GON4L: variants seen among roughly 807,000 people sequenced by gnomAD.
GON4L encodes the protein GON-4-like protein.
A neutral mutation model predicts 211.8 loss-of-function variants in GON4L; 87 were observed. That is an observed-to-expected ratio of 0.41 (90% confidence interval 0.35 to 0.49). GON4L has a LOEUF of 0.49. GON4L is among the 20% of genes least tolerant of loss of function. The probability of loss-of-function intolerance (pLI) is 0.15; values close to 1 mark genes in which losing one functional copy is unlikely to be tolerated. For synonymous variants in GON4L, 875 were observed against 962.6 expected (o/e 0.91, Z 1.68); for missense variants, 2,155 against 2,659.5 (o/e 0.81, Z 4.17).
intron 16 of GON4L, among the ~76,000 whole-genome samples, chr1:155,775,780 T>A (rs1663752429): frequency 6.6e-6 from 1 of 152,116 alleles, no homozygotes; most frequent in East Asian, 1.9e-4. Flanking sequence ...CTATTACTTT[T>A]ATTTTATTTA....
At chr1:155,832,279 C>CAAAAAAAAAAAAACA (rs1669855206) in intron 2 of GON4L, among the ~76,000 whole-genome samples, 1 of 57,356 alleles carries the variant, frequency 1.7e-5, no homozygotes, top group Non-Finnish European at 3.1e-5. Flanking sequence ...GACTCCGTCT[C>CAAAAAAAAAAAAACA]AAAAAAAAAA....
chr1:155,851,050 C>CT (rs1411863463), intron 2 of GON4L, among the ~76,000 whole-genome samples: 3 of 36,192 alleles, frequency 8.3e-5, no homozygotes, highest in Non-Finnish European at 1.1e-4. Flanking sequence ...GAGACTCCAC[C>CT]TCAAAAAAAA....
At chr1:155,836,273 G>T (rs1200893742) in intron 2 of GON4L, among the ~76,000 whole-genome samples, 1 of 130,952 alleles carries the variant, frequency 7.6e-6, no homozygotes, top group Non-Finnish European at 1.6e-5. Flanking sequence ...TTTTTGAGAC[G>T]ACATCTTGCT....
chr1:155,763,297 G>C lies in GON4L; in HGVS notation c.4726+15C>G, dbSNP rs1484047746. 6.2e-6 allele frequency: 10 copies of C among 1,613,072 alleles called. No homozygotes were observed. The highest frequency in any genetic ancestry group is 1.3e-5 in the African/African-American group (1 of 74,872). On this transcript the variant is annotated intron_variant, in intron 22 of 31. Transcript: ENST00000368331. ...AAGTGAGAATGGTCCTTCAGTATAG[G>C]TTTGCCTAGCTCACCTGGTGGAGTT...
intron 13 of GON4L, chr1:155,784,717 T>G (rs150642553): frequency 1.6e-3 from 266 of 167,826 alleles, no homozygotes; most frequent in Non-Finnish European, 3.0e-3. Flanking sequence ...AAAAATCTTT[T>G]GAAACAAATT....
Position 155,752,015 on chromosome 1 carries a change from A to G in GON4L, c.6418T>C (p.Cys2140Arg), listed in dbSNP as rs767393793. 2 of 1,613,384 alleles carry G rather than the reference A, an allele frequency of 1.2e-6. No individual in the cohort carries two copies. The highest frequency in any genetic ancestry group is 1.7e-6 in the Non-Finnish European group (2 of 1,179,444). The change falls in exon 30 of 32, where the codon TGT becomes CGT. Residue 2140 changes from cysteine to arginine, a missense_variant. Transcript: ENST00000368331. The stretch of plus-strand genomic sequence containing the variant: ...GAGCTGACCTTGCTGTTGTTGGCAC[A>G]CACCGTAGCTTCTGCGGCCTTTGGC... ...QQPKAAEATV[C>R]ANNSKVSSTG...
At chr1:155,827,341 A>G (rs1276946869) in intron 2 of GON4L, among the ~76,000 whole-genome samples, 1 of 152,192 alleles carries the variant, frequency 6.6e-6, no homozygotes, top group Non-Finnish European at 1.5e-5. Flanking sequence ...CATTAACACC[A>G]TATTTCATCA....
chr1:155,851,155 C>T (rs1282155641), intron 2 of GON4L, among the ~76,000 whole-genome samples: 1 of 149,464 alleles, frequency 6.7e-6, no homozygotes, highest in Non-Finnish European at 1.5e-5. Context: ...GAAATTGACA[C>T]TATCCTGGCT....
rs542890993 is a variant in GON4L at position 155,775,263 on chromosome 1, C to G, written c.2179-90G>C. 25 of 1,532,426 alleles carry G rather than the reference C, an allele frequency of 1.6e-5. 1 individual carries two copies. The Admixed American group carries it at 4.2e-4, about 26-fold the overall frequency. The allele number at this position is 1,532,426 out of a possible 1,614,324, so 94.9% of individuals were successfully genotyped here. ...GAATCTAAATGAGAAGCTGACCTTC[C>G]TACTACAGGATAAAAACAGGTAAAA... On this transcript the variant is annotated intron_variant, in intron 16 of 31. Transcript: ENST00000368331.
At chr1:155,771,482 T>G (rs935344873) in intron 18 of GON4L, among the ~76,000 whole-genome samples, 5 of 151,726 alleles carry the variant, frequency 3.3e-5, no homozygotes, top group Non-Finnish European at 5.9e-5. Context: ...TACCTTTTCA[T>G]TTTTTTTCAG....
At chr1:155,833,821 TTCC>T (rs980541490) in intron 2 of GON4L, among the ~76,000 whole-genome samples, 3 of 149,588 alleles carry the variant, frequency 2.0e-5, no homozygotes, top group African/African-American at 4.9e-5. Context: ...TGGGGTTTCA[TTCC>T]TCCTCCTTTT....
intron 5 of GON4L, among the ~76,000 whole-genome samples, chr1:155,821,081 G>A (rs979536116): frequency 7.9e-5 from 12 of 152,020 alleles, no homozygotes; most frequent in East Asian, 1.9e-4. Context: ...CCTGGCTAAC[G>A]TGGTGAAACC....
chr1:155,764,627 G>C, intron 21 of GON4L: 1 of 483,976 alleles, frequency 2.1e-6, no homozygotes, highest in Non-Finnish European at 3.7e-6. Flanking sequence ...TTTTAATATA[G>C]ATGGGGTTTT....
At position 155,765,239 on chromosome 1, in the gene GON4L, T is replaced by C. The variant is rs761356243; in HGVS notation, c.4234A>G (p.Lys1412Glu). 6.2e-7 allele frequency: 1 copy of C among 1,614,180 alleles called. No homozygotes were observed. Among genetic ancestry groups the C allele is most frequent in the Non-Finnish European group, 8.5e-7 (1 of 1,179,984 alleles). Residue 1412 changes from lysine (K) to glutamate (E), a missense_variant, in exon 21 of 32, where the codon AAG becomes GAG. Around this residue, in one of 6 missense-constraint regions of GON4L, gnomAD observed 615 missense variants for 625.7 expected, o/e 0.98. Coordinates refer to ENST00000368331, the MANE Select transcript of GON4L (RefSeq NM_001282860.2). ...SGTDVNKGSS[K>E]NALSSMDPEV... ...GGATCCATTGAGGACAAAGCATTCT[T>C]TGATGATCCTTTGTTCACATCTGTC... is the stretch of plus-strand genomic sequence containing the variant.
chr1:155,843,671 C>T (rs1262318770), intron 2 of GON4L, among the ~76,000 whole-genome samples: 3 of 152,142 alleles, frequency 2.0e-5, no homozygotes, highest in African/African-American at 7.2e-5. Flanking sequence ...CACTGGTAAA[C>T]AAGGAGACTA....
chr1:155,829,450 C>G (rs899633502), intron 2 of GON4L, among the ~76,000 whole-genome samples: 1 of 151,906 alleles, frequency 6.6e-6, no homozygotes, highest in Admixed American at 6.6e-5. Flanking sequence ...TACTAAAATA[C>G]AAAAAATTAG....
chr1:155,823,870 G>A (rs1668939224), intron 3 of GON4L, among the ~76,000 whole-genome samples: 1 of 152,040 alleles, frequency 6.6e-6, no homozygotes, highest in East Asian at 1.9e-4. Flanking sequence ...TCAAGCCTGG[G>A]CGACGGAGCA....
chr1:155,846,750 G>A (rs113102681), intron 2 of GON4L: 9,896 of 152,050 alleles, frequency 0.065, 393 homozygotes, highest in African/African-American at 0.11. Flanking sequence ...GGTAGCTCAC[G>A]CCTGTAATCC....
At chr1:155,800,379 G>A (rs1258128991) in intron 11 of GON4L, among the ~76,000 whole-genome samples, 2 of 150,460 alleles carry the variant, frequency 1.3e-5, no homozygotes, top group Non-Finnish European at 2.9e-5. Flanking sequence ...CCAACATGGT[G>A]AAACCCTGAC....
Sources: gnomAD v4.1 joint callset for allele counts (sites outside exome capture counted in the v4.1 genomes callset) on GRCh38, gnomAD v4.1.1 for gene constraint, gnomAD v4.1.1 regional missense constraint, MANE v1.5 for transcripts, NCBI Gene and HGNC (gene_info 2026-07-23, HGNC 2026-07-21) for gene names.